The following PAFAH2 variants were observed in gnomAD, a reference collection of about 807,000 sequenced individuals.
PAFAH2 encodes platelet activating factor acetylhydrolase 2.
In PAFAH2, 42 loss-of-function variants were observed where a neutral mutation model predicts 49.0. The observed-to-expected ratio is 0.86, with a 90% CI of 0.67 to 1.11. The LOEUF (loss-of-function observed/expected upper bound fraction) is 1.11. Ranked by LOEUF, PAFAH2 falls within the 50% of genes least tolerant of loss-of-function variation. The pLI is 0.00. For missense variants in PAFAH2, 503 were observed against 501.8 expected (o/e 1.00, Z -0.02); for synonymous variants, 184 against 181.3 (o/e 1.01, Z -0.12).
intron 1 of PAFAH2, among the ~76,000 whole-genome samples, chr1:25,993,743 T>A (rs2049904475): frequency 6.6e-6 from 1 of 152,120 alleles, no homozygotes; most frequent in South Asian, 2.1e-4. Flanking sequence ...TCGCTTGTTG[T>A]TGAGGTCTGC....
At chr1:25,985,057 C>T (rs1056018344) in intron 4 of PAFAH2, among the ~76,000 whole-genome samples, 2 of 151,938 alleles carry the variant, frequency 1.3e-5, no homozygotes, top group Non-Finnish European at 2.9e-5. Flanking sequence ...TGGGGTTTTA[C>T]CATGTTGGTC....
rs188818804 is a variant in PAFAH2 at position 25,989,894 on chromosome 1, C to G, written c.91-293G>C. Among the ~76,000 whole-genome samples the G allele has an allele frequency of 2.4e-3, 364 of 152,282 alleles. 1 individual carries two copies. Among genetic ancestry groups the G allele is most frequent in the African/African-American group, 8.0e-3 (333 of 41,544 alleles). ...GCTTGGGACAATGAAAGATTTAAAT[C>G]TGGCCCTGAACCTAGGCCTAGAGGA... On this transcript the variant is annotated intron_variant, in intron 2 of 10. Transcript: ENST00000374282.
At chr1:25,991,029 A>T in intron 1 of PAFAH2, 166 bp from the exon 2 acceptor site, 1 of 512,944 alleles carries the variant, frequency 1.9e-6, no homozygotes, top group Non-Finnish European at 3.5e-6. Flanking sequence ...GCCTTTGCCA[A>T]GGTTGGGGGT....
In PAFAH2 at chr1:25,982,411, T is replaced by C; in HGVS notation, c.619A>G (p.Thr207Ala). 1 of 1,614,176 alleles carries C rather than the reference T, an allele frequency of 6.2e-7. No individual in the cohort carries two copies. The highest frequency in any genetic ancestry group is 8.5e-7 in the Non-Finnish European group (1 of 1,180,020). The part of the protein sequence containing the change: ...KILQEVTAGQ[T>A]VFNILPGGLD... Reference sequence around the variant, plus strand: ...CCACCAGGCAAGATGTTGAAGACAGTCTGCCCAGCAGTGACCTCTTGCAGG... The same window carrying C: ...CCACCAGGCAAGATGTTGAAGACAGCCTGCCCAGCAGTGACCTCTTGCAGG... The change falls in exon 7 of 11, where the codon ACT becomes GCT. Residue 207 changes from threonine (T) to alanine (A), a missense_variant. Physicochemically the swap from Thr to Ala is moderately conservative, Grantham distance 58. Transcript: ENST00000374282.
intron 6 of PAFAH2, among the ~76,000 whole-genome samples, chr1:25,983,722 T>C (rs2275101): frequency 0.52 from 79,633 of 152,066 alleles, 24,606 homozygotes; most frequent in East Asian, 0.7. Context: ...TCTACTTATA[T>C]GAGCCCATCA....
chr1:25,983,416 G>A (rs987495725), intron 6 of PAFAH2, among the ~76,000 whole-genome samples: 10 of 152,004 alleles, frequency 6.6e-5, no homozygotes, highest in Admixed American at 2.0e-4. Context: ...AATTAGCTGC[G>A]CATAGTGGTG....
intron 1 of PAFAH2, among the ~76,000 whole-genome samples, chr1:25,991,849 C>T (rs962201119): frequency 1.3e-5 from 2 of 152,034 alleles, no homozygotes; most frequent in Non-Finnish European, 2.9e-5. Context: ...GCCGAGATTG[C>T]ACCACTGCAC....
rs3738455 is a variant in PAFAH2, at chr1:25,961,798, C to T, written c.*191G>A. 1.1e-3 allele frequency: 567 copies of T among 506,362 alleles called. 9 individuals carry two copies. In the East Asian group the frequency reaches 0.016, roughly 15 times the overall value. 31.4% of individuals were successfully genotyped at this position (506,362 alleles called of 1,614,324 possible). A position where few individuals can be genotyped will look rare whatever the true frequency, so the allele number is the denominator to read the frequency against. ...CTGTTTGTCAATCAGCAAGGGATCC[C>T]AGTCCCAAAGTGATTTTAAGATCAA... On this transcript the variant is annotated 3_prime_UTR_variant, in exon 11 of 11. Transcript: ENST00000374282.
chr1:25,988,175 C>A, intron 4 of PAFAH2, 56 bp downstream of exon 4: 1 of 1,118,930 alleles, frequency 8.9e-7, no homozygotes, highest in Non-Finnish European at 1.3e-6. Flanking sequence ...AGCTAAGACT[C>A]AGCAGCTGTC....
chr1:25,986,091 C>T (rs889221843), intron 4 of PAFAH2, among the ~76,000 whole-genome samples: 2 of 152,162 alleles, frequency 1.3e-5, no homozygotes, highest in South Asian at 2.1e-4. Context: ...AGAAGACAGG[C>T]ATTAAAGAAT....
chr1:25,983,791 C>A (rs2049733203), intron 6 of PAFAH2, among the ~76,000 whole-genome samples, 155 bp downstream of exon 6: 1 of 152,126 alleles, frequency 6.6e-6, no homozygotes, highest in African/African-American at 2.4e-5. Flanking sequence ...TTGCAAGAGT[C>A]CTGATTAATA....
intron 7 of PAFAH2, 144 bp from the exon 8 acceptor site, chr1:25,976,917 G>C: frequency 1.7e-6 from 1 of 599,204 alleles, no homozygotes; most frequent in Non-Finnish European, 3.0e-6. Context: ...ACACTGTCAA[G>C]AATCTCTTAC....
chr1:25,991,023 T>C (rs1024836985), intron 1 of PAFAH2, 160 bp from the exon 2 acceptor site: 1 of 517,996 alleles, frequency 1.9e-6, no homozygotes, highest in Non-Finnish European at 3.5e-6. Flanking sequence ...TACATTGCCT[T>C]TGCCAAGGTT....
chr1:25,984,500 G>A lies in PAFAH2; in HGVS notation c.370C>T (p.Leu124=). ...RTLYSAFCME[L]ASRGFVVAVP... is the part of the protein sequence containing the mutation. ...GCAACCACAAAGCCACGTGAGGCCA[G>A]CTCCATGCAGAAGGCTGAATACAAA... Residue 124 remains leucine (L), a synonymous_variant, in exon 5 of 11, where the codon CTG becomes TTG. Transcript: ENST00000374282. 1 of 1,613,850 alleles carries A rather than the reference G, an allele frequency of 6.2e-7. No homozygotes were observed. Among genetic ancestry groups the A allele is most frequent in the Non-Finnish European group, 8.5e-7 (1 of 1,179,894 alleles).
chr1:25,969,148 A>G (rs1249706611), intron 10 of PAFAH2, among the ~76,000 whole-genome samples: 1 of 152,084 alleles, frequency 6.6e-6, no homozygotes, highest in East Asian at 1.9e-4. Flanking sequence ...CCTTTCAACA[A>G]TTCACTCTCC....
At chr1:25,965,567 G>A (rs2049406957) in intron 10 of PAFAH2, among the ~76,000 whole-genome samples, 1 of 152,178 alleles carries the variant, frequency 6.6e-6, no homozygotes, top group African/African-American at 2.4e-5. Context: ...TGTAACGCCA[G>A]CACTTTGGGA....
At chr1:25,975,638 A>G (rs980598815) in intron 8 of PAFAH2, among the ~76,000 whole-genome samples, 3 of 152,064 alleles carry the variant, frequency 2.0e-5, no homozygotes, top group Admixed American at 2.0e-4. Context: ...CCACATGACC[A>G]AATCCTGAAA....
chr1:25,979,317 GCCT>G lies in PAFAH2; in HGVS notation c.667-2547_667-2545del, dbSNP rs1468522269. Among the ~76,000 whole-genome samples the G allele has an allele frequency of 7.6e-4, 111 of 145,976 alleles. 6 individuals carry two copies. Among genetic ancestry groups the G allele is most frequent in the East Asian group, 1.2e-3 (6 of 4,940 alleles). ...GGACTGTAGCCTGCCATTTACCAAT[GCCT>G]TTTTTTTTTTTTTTTGAGATAGTCT... On this transcript the variant is annotated intron_variant, in intron 7 of 10. Transcript: ENST00000374282.
chr1:25,989,402 T>C (rs1385121070), intron 3 of PAFAH2, 46 bp downstream of exon 3: 1 of 1,508,152 alleles, frequency 6.6e-7, no homozygotes, highest in Non-Finnish European at 8.9e-7. Flanking sequence ...CCCAGGAACA[T>C]AACCAAGCAA....
Sources: gnomAD v4.1 joint callset for allele counts (sites outside exome capture counted in the v4.1 genomes callset) on GRCh38, gnomAD v4.1.1 for gene constraint, MANE v1.5 for transcripts, NCBI Gene and HGNC (gene_info 2026-07-23, HGNC 2026-07-21) for gene names.